The following CCNY variants were observed in gnomAD, a reference collection of about 807,000 sequenced individuals.
CCNY encodes the protein cyclin Y.
CCNY carries 19 observed loss-of-function variants against 42.8 expected under a neutral mutation model. That is an observed-to-expected ratio of 0.44 (90% confidence interval 0.31 to 0.65). CCNY has a LOEUF of 0.65. Among genes scored for constraint, CCNY ranks in the 30% least tolerant of loss-of-function variants. CCNY has a pLI of 0.07. For synonymous variants in CCNY, 165 were observed against 162.7 expected (o/e 1.01, Z -0.11); for missense variants, 370 against 437.3 (o/e 0.85, Z 1.37).
intron 3 of CCNY, chr10:35,289,394 C>T (rs1316280057): frequency 6.6e-6 from 1 of 152,120 alleles, no homozygotes. Context: ...TTTATTGCAT[C>T]ATCTAGGCCC....
At position 35,319,569 on chromosome 10, in the gene CCNY, T is replaced by C. The variant is rs558938452; in HGVS notation, c.-9+68943T>C. The stretch of plus-strand genomic sequence containing the variant: ...TTGGTTGAATGCCACAGATTAACCA[T>C]AGTGATTCAAGAAACTAGAAAGAAG... On this transcript the variant is annotated intron_variant, in intron 3 of 11. Transcript: ENST00000374706. 2.8e-4 allele frequency among the ~76,000 whole-genome samples: 43 copies of C among 152,220 alleles called. 1 individual carries two copies. Among genetic ancestry groups the C allele is most frequent in the Non-Finnish European group, 1.5e-4 (10 of 68,016 alleles).
At chr10:35,251,782 T>A (rs1433052906) in intron 3 of CCNY, among the ~76,000 whole-genome samples, 1 of 151,784 alleles carries the variant, frequency 6.6e-6, no homozygotes, top group Non-Finnish European at 1.5e-5. Flanking sequence ...AGAGATGGAG[T>A]TTCATTATGT....
chr10:35,305,107 C>T (rs1471238792), intron 3 of CCNY, among the ~76,000 whole-genome samples: 3 of 152,150 alleles, frequency 2.0e-5, no homozygotes, highest in Non-Finnish European at 4.4e-5. Context: ...TGGAGAAAAC[C>T]GGAGACAGAC....
chr10:35,322,895 A>T (rs1015045609), intron 3 of CCNY, among the ~76,000 whole-genome samples: 4 of 152,182 alleles, frequency 2.6e-5, no homozygotes, highest in African/African-American at 9.6e-5. Flanking sequence ...GTAGGATGTA[A>T]GATGGTACCA....
chr10:35,518,463 T>A (rs1176232402), intron 4 of CCNY, among the ~76,000 whole-genome samples: 1 of 151,398 alleles, frequency 6.6e-6, no homozygotes, highest in Non-Finnish European at 1.5e-5. Flanking sequence ...AGCTCTTGAT[T>A]GAATCTGGCT....
chr10:35,307,818 ATT>A lies in CCNY; in HGVS notation c.-9+57206_-9+57207del, dbSNP rs1241404700. Among the ~76,000 whole-genome samples the A allele has an allele frequency of 6.0e-3, 576 of 96,136 alleles. 5 individuals carry two copies. The highest frequency in any genetic ancestry group is 0.019 in the African/African-American group (465 of 24,504). 63.1% of individuals were successfully genotyped at this position (96,136 alleles called of 152,430 possible). Reference sequence around the variant, plus strand: ...TGTGTGTGTATATATATATATATATATTTTTTTTTTTTTTTCTGAGATGGAGT... The same window carrying A: ...TGTGTGTGTATATATATATATATATATTTTTTTTTTTTTCTGAGATGGAGT... On this transcript the variant is annotated intron_variant, in intron 3 of 11. Transcript: ENST00000374706.
At chr10:35,500,981 GC>G (rs1467994996) in intron 2 of CCNY, among the ~76,000 whole-genome samples, 1 of 152,184 alleles carries the variant, frequency 6.6e-6, no homozygotes, top group African/African-American at 2.4e-5. Context: ...CAGAAGCCCA[GC>G]TGTATTCACC....
At chr10:35,314,800 T>C (rs978269414) in intron 3 of CCNY, 1 of 152,068 alleles carries the variant, frequency 6.6e-6, no homozygotes, top group African/African-American at 2.4e-5. Flanking sequence ...AAATAACTTT[T>C]TGCCGGGCGC....
intron 4 of CCNY, among the ~76,000 whole-genome samples, chr10:35,521,785 G>A (rs777576677): frequency 2.0e-5 from 3 of 152,114 alleles, no homozygotes; most frequent in African/African-American, 4.8e-5. Flanking sequence ...CAGCATGCAC[G>A]GTAAGCCCCT....
chr10:35,481,621 A>G (rs1839671237), intron 1 of CCNY, among the ~76,000 whole-genome samples: 1 of 152,154 alleles, frequency 6.6e-6, no homozygotes, highest in Non-Finnish European at 1.5e-5. Context: ...TTCTGGTGTC[A>G]CCTTGCTGGC....
chr10:35,307,379 T>G (rs937672703), intron 3 of CCNY, among the ~76,000 whole-genome samples: 3 of 152,166 alleles, frequency 2.0e-5, no homozygotes, highest in African/African-American at 7.2e-5. Flanking sequence ...CCATGGAGTT[T>G]AAAGAAGAAT....
intron 1 of CCNY, among the ~76,000 whole-genome samples, chr10:35,376,581 A>G (rs1837056346): frequency 6.6e-6 from 1 of 152,188 alleles, no homozygotes; most frequent in African/African-American, 2.4e-5. Flanking sequence ...CAGATTTTGG[A>G]TTTTTGTATT....
chr10:35,290,636 G>A (rs1208246186), intron 3 of CCNY, among the ~76,000 whole-genome samples: 1 of 151,964 alleles, frequency 6.6e-6, no homozygotes, highest in African/African-American at 2.4e-5. Flanking sequence ...TGTTTTCAGA[G>A]TTGTCCCACC....
At chr10:35,282,726 A>G (rs2135055192) in intron 3 of CCNY, among the ~76,000 whole-genome samples, 1 of 151,440 alleles carries the variant, frequency 6.6e-6, no homozygotes, top group South Asian at 2.1e-4. Context: ...GTCTCAAAAA[A>G]AAAAAAAAAA....
intron 1 of CCNY, among the ~76,000 whole-genome samples, chr10:35,464,433 G>T (rs904080068): frequency 4.6e-5 from 7 of 152,130 alleles, no homozygotes; most frequent in Admixed American, 4.6e-4. Flanking sequence ...TTTTTAAAGT[G>T]TGTATTTGGT....
At chr10:35,360,107 A>G (rs1415049395) in intron 1 of CCNY, among the ~76,000 whole-genome samples, 2 of 152,156 alleles carry the variant, frequency 1.3e-5, no homozygotes, top group Admixed American at 6.5e-5. Flanking sequence ...CTTGCTTTCA[A>G]TTCTTTTGGG....
intron 2 of CCNY, among the ~76,000 whole-genome samples, chr10:35,494,495 A>G (rs1205197732): frequency 6.6e-6 from 1 of 152,176 alleles, no homozygotes; most frequent in African/African-American, 2.4e-5. Flanking sequence ...AAATACAATC[A>G]TAATCATCTA....
intron 1 of CCNY, among the ~76,000 whole-genome samples, chr10:35,358,215 CTTTTTTT>C (rs34172111): frequency 2.2e-5 from 3 of 135,576 alleles, no homozygotes; most frequent in African/African-American, 5.5e-5. Flanking sequence ...TTAAGCAAGT[CTTTTTTT>C]TTTTTTTTTT....
chr10:35,566,466 C>G (rs763388134), intron 9 of CCNY, among the ~76,000 whole-genome samples: 5 of 152,192 alleles, frequency 3.3e-5, no homozygotes, highest in Non-Finnish European at 5.9e-5. Flanking sequence ...TTCAGCCTCT[C>G]AAGTAGCTGG....
Sources: gnomAD v4.1 joint callset for allele counts (sites outside exome capture counted in the v4.1 genomes callset) on GRCh38, gnomAD v4.1.1 for gene constraint, MANE v1.5 for transcripts, NCBI Gene and HGNC (gene_info 2026-07-23, HGNC 2026-07-21) for gene names.